Variants in NPAS3 observed in about 807,000 individuals in gnomAD.
NPAS3 encodes the protein neuronal PAS domain-containing protein 3.
NPAS3 carries 14 observed loss-of-function variants against 73.1 expected under a neutral mutation model. That is an observed-to-expected ratio of 0.19 (90% CI 0.13 to 0.30). The LOEUF (loss-of-function observed/expected upper bound fraction) is 0.30. Ranked by LOEUF, NPAS3 falls within the 10% of genes least tolerant of loss-of-function variation. NPAS3 has a pLI of 1.00. For missense variants in NPAS3, 1,096 were observed against 1,250.0 expected (o/e 0.88, Z 1.86); for synonymous variants, 620 against 541.5 (o/e 1.14, Z -2.01).
chr14:33,060,987 T>A (rs2041076131), intron 2 of NPAS3, among the ~76,000 whole-genome samples: 1 of 152,172 alleles, frequency 6.6e-6, no homozygotes. Context: ...GGATTTGGAT[T>A]CACAACCAAA....
intron 2 of NPAS3, among the ~76,000 whole-genome samples, chr14:33,197,237 C>CCGTGTGTGTGTGTGTGTG (rs1555353809): frequency 7.4e-6 from 1 of 135,214 alleles, no homozygotes; most frequent in Non-Finnish European, 1.6e-5. Context: ...CTCCAGCAGG[C>CCGTGTGTGTGTGTGTGTG]TGTGTGTGTG....
chr14:33,094,217 T>C (rs2042328758), intron 2 of NPAS3, among the ~76,000 whole-genome samples: 1 of 152,126 alleles, frequency 6.6e-6, no homozygotes, highest in Non-Finnish European at 1.5e-5. Flanking sequence ...ATTCAGATAA[T>C]TTACAACTAA....
At chr14:33,059,921 C>A (rs1362949469) in intron 2 of NPAS3, among the ~76,000 whole-genome samples, 1 of 152,180 alleles carries the variant, frequency 6.6e-6, no homozygotes, top group Non-Finnish European at 1.5e-5. Context: ...GCTAAGACTA[C>A]AGGTGCATGC....
At chr14:33,538,318 G>A (rs527571891) in intron 4 of NPAS3, among the ~76,000 whole-genome samples, 2 of 152,280 alleles carry the variant, frequency 1.3e-5, no homozygotes, top group East Asian at 1.9e-4. Context: ...AAAGAACCTT[G>A]AGAAGTTCCC....
chr14:32,959,396 CAAGTA>C (rs978407191), intron 1 of NPAS3, among the ~76,000 whole-genome samples: 14 of 152,114 alleles, frequency 9.2e-5, no homozygotes, highest in Non-Finnish European at 1.9e-4. Flanking sequence ...AACTGTAGTT[CAAGTA>C]AAGATTCCAA....
chr14:33,670,695 A>G (rs1024236857), intron 5 of NPAS3, among the ~76,000 whole-genome samples: 1 of 151,192 alleles, frequency 6.6e-6, no homozygotes, highest in East Asian at 2.0e-4. Flanking sequence ...CTGGCTCAGG[A>G]TTTTCTAACC....
chr14:33,446,192 G>A lies in NPAS3; in HGVS notation c.468+78924G>A, dbSNP rs539343191. On this transcript the variant is annotated intron_variant, in intron 4 of 11. Transcript: ENST00000356141. Reference sequence around the variant, plus strand: ...TTTTTTTTTTTTTTTTTTTTGAGACGGAGTCTCGCTCTGTCGCCCAGGCCG... The same window carrying A: ...TTTTTTTTTTTTTTTTTTTTGAGACAGAGTCTCGCTCTGTCGCCCAGGCCG... Among the ~76,000 whole-genome samples the A allele has an allele frequency of 4.9e-5, 6 of 122,956 alleles. No individual in the cohort carries two copies. In the East Asian group the frequency reaches 1.4e-3, roughly 29 times the overall value. 80.7% of individuals were successfully genotyped at this position (122,956 alleles called of 152,430 possible). A position where few individuals can be genotyped will look rare whatever the true frequency, so the allele number is the denominator to read the frequency against.
intron 2 of NPAS3, among the ~76,000 whole-genome samples, chr14:33,097,858 A>G (rs903279577): frequency 2.4e-4 from 36 of 151,898 alleles, no homozygotes; most frequent in Middle Eastern, 3.4e-3. Flanking sequence ...CTGAGTTATT[A>G]TCTGCTTTCT....
chr14:33,620,206 G>T (rs1311489318), intron 5 of NPAS3, among the ~76,000 whole-genome samples: 9 of 152,150 alleles, frequency 5.9e-5, no homozygotes, highest in African/African-American at 2.2e-4. Context: ...AATTTAGTAT[G>T]TTGTAAATCT....
chr14:33,542,772 G>T (rs754107614), intron 4 of NPAS3, among the ~76,000 whole-genome samples: 1 of 152,188 alleles, frequency 6.6e-6, no homozygotes, highest in Non-Finnish European at 1.5e-5. Context: ...GCCTGAGTGC[G>T]CACGCACATG....
intron 2 of NPAS3, among the ~76,000 whole-genome samples, chr14:33,188,270 C>A (rs1282318617): frequency 6.6e-6 from 1 of 152,216 alleles, no homozygotes; most frequent in Non-Finnish European, 1.5e-5. Flanking sequence ...AATGCTGTCT[C>A]TTCCACAGAA....
intron 3 of NPAS3, among the ~76,000 whole-genome samples, chr14:33,340,164 T>C (rs1344259964): frequency 3.3e-5 from 5 of 152,244 alleles, no homozygotes; most frequent in Non-Finnish European, 5.9e-5. Flanking sequence ...TTTTGGTTTT[T>C]ATATATAAGA....
At chr14:33,428,227 C>T (rs953725577) in intron 4 of NPAS3, among the ~76,000 whole-genome samples, 5 of 152,046 alleles carry the variant, frequency 3.3e-5, no homozygotes, top group African/African-American at 1.2e-4. Context: ...CACTTGCTAC[C>T]TGTGTGACCA....
At chr14:33,619,304 A>G (rs1162795845) in intron 5 of NPAS3, among the ~76,000 whole-genome samples, 4 of 152,178 alleles carry the variant, frequency 2.6e-5, no homozygotes, top group African/African-American at 7.2e-5. Context: ...ACCTTTGTCT[A>G]TAGGTTTTGA....
intron 1 of NPAS3, among the ~76,000 whole-genome samples, chr14:33,051,296 AAGAG>A (rs1555328994): frequency 7.0e-6 from 1 of 142,528 alleles, no homozygotes; most frequent in Non-Finnish European, 1.5e-5. Flanking sequence ...AAAAAAAAAA[AAGAG>A]AGACTAAAGA....
chr14:33,385,508 C>A (rs1239837113), intron 4 of NPAS3, among the ~76,000 whole-genome samples: 1 of 152,094 alleles, frequency 6.6e-6, no homozygotes, highest in Non-Finnish European at 1.5e-5. Flanking sequence ...TTTTGTTTCC[C>A]TTGGTAGACT....
intron 6 of NPAS3, among the ~76,000 whole-genome samples, chr14:33,689,173 C>T (rs904491661): frequency 1.4e-4 from 21 of 152,256 alleles, no homozygotes; most frequent in African/African-American, 4.8e-4. Flanking sequence ...TATATGTGAC[C>T]TTGAGCAAGT....
intron 4 of NPAS3, among the ~76,000 whole-genome samples, chr14:33,389,905 A>G (rs2138584395): frequency 6.6e-6 from 1 of 152,274 alleles, no homozygotes; most frequent in Non-Finnish European, 1.5e-5. Flanking sequence ...ATTACCTTGA[A>G]TATACACTCC....
At chr14:33,570,959 A>C (rs2056184480) in intron 5 of NPAS3, among the ~76,000 whole-genome samples, 1 of 152,210 alleles carries the variant, frequency 6.6e-6, no homozygotes, top group African/African-American at 2.4e-5. Flanking sequence ...ACAACAGTGT[A>C]ATAACTGACT....
Sources: gnomAD v4.1 joint callset for allele counts (sites outside exome capture counted in the v4.1 genomes callset) on GRCh38, gnomAD v4.1.1 for gene constraint, MANE v1.5 for transcripts, NCBI Gene and HGNC (gene_info 2026-07-23, HGNC 2026-07-21) for gene names.